Variants in DOCK3 observed in about 807,000 individuals in gnomAD.
The protein encoded by DOCK3 is dedicator of cytokinesis protein 3.
In DOCK3, 60 loss-of-function variants were observed where a neutral mutation model predicts 265.6. The ratio of observed to expected loss-of-function variants is 0.23; its 90% CI spans 0.18 to 0.28. The LOEUF is 0.28. Ranked by LOEUF, DOCK3 falls within the 10% of genes least tolerant of loss-of-function variation. DOCK3 has a pLI of 1.00. For synonymous variants in DOCK3, 881 were observed against 938.0 expected (o/e 0.94, Z 1.11); for missense variants, 1,981 against 2,594.3 (o/e 0.76, Z 5.14).
chr3:51,041,809 A>C (rs1434604874), intron 5 of DOCK3, among the ~76,000 whole-genome samples: 1 of 152,204 alleles, frequency 6.6e-6, no homozygotes, highest in Non-Finnish European at 1.5e-5. Context: ...TAAGAAGAGT[A>C]GAATTAACAT....
At chr3:51,237,706 T>C in intron 21 of DOCK3, 116 bp downstream of exon 21, 7 of 880,272 alleles carry the variant, frequency 8.0e-6, no homozygotes, top group Non-Finnish European at 1.2e-5. Context: ...AAAAATTTTA[T>C]ATTTTTAATT....
chr3:50,979,531 A>G (rs1237877809), intron 5 of DOCK3, among the ~76,000 whole-genome samples: 1 of 152,074 alleles, frequency 6.6e-6, no homozygotes, highest in African/African-American at 2.4e-5. Context: ...CTCTTGCGCC[A>G]TCTCTGGCTG....
chr3:50,977,781 C>G (rs2077516951), intron 5 of DOCK3, among the ~76,000 whole-genome samples: 1 of 152,044 alleles, frequency 6.6e-6, no homozygotes, highest in Admixed American at 6.6e-5. Context: ...TCAGGTACAC[C>G]AATCAGACGT....
At chr3:50,805,125 G>A (rs2043334174) in intron 2 of DOCK3, among the ~76,000 whole-genome samples, 1 of 152,084 alleles carries the variant, frequency 6.6e-6, no homozygotes, top group Non-Finnish European at 1.5e-5. Flanking sequence ...TCCATCTAGT[G>A]GAAAAGTCGC....
intron 4 of DOCK3, among the ~76,000 whole-genome samples, chr3:50,891,535 A>G (rs950207214): frequency 6.6e-6 from 1 of 152,158 alleles, no homozygotes; most frequent in African/African-American, 2.4e-5. Context: ...TATCAAAAGT[A>G]TCAAGCCTGG....
At chr3:51,379,130 C>G (rs748680948) in intron 51 of DOCK3, among the ~76,000 whole-genome samples, 8 of 152,348 alleles carry the variant, frequency 5.3e-5, no homozygotes, top group Non-Finnish European at 1.0e-4. Flanking sequence ...CTCTTCTGTC[C>G]TGTTTTCTCT....
intron 5 of DOCK3, among the ~76,000 whole-genome samples, chr3:51,053,110 T>TATATAG (rs2081066167): frequency 8.0e-6 from 1 of 125,150 alleles, no homozygotes; most frequent in African/African-American, 2.9e-5. Context: ...TATATATATA[T>TATATAG]ATATATATAT....
At chr3:51,160,171 A>C (rs2086060980) in intron 11 of DOCK3, among the ~76,000 whole-genome samples, 1 of 152,246 alleles carries the variant, frequency 6.6e-6, no homozygotes, top group Non-Finnish European at 1.5e-5. Context: ...GTGCATATGC[A>C]GTTTATACCT....
intron 22 of DOCK3, among the ~76,000 whole-genome samples, chr3:51,252,585 G>C (rs958834231): frequency 6.6e-6 from 1 of 152,122 alleles, no homozygotes; most frequent in African/African-American, 2.4e-5. Context: ...CGCATCCCTT[G>C]CTAGTTGGAT....
chr3:51,184,788 AG>A (rs1368095298), intron 12 of DOCK3, among the ~76,000 whole-genome samples: 4 of 152,206 alleles, frequency 2.6e-5, no homozygotes, highest in Admixed American at 6.5e-5. Flanking sequence ...CAATGTGGAA[AG>A]GGGGCTGAGG....
chr3:51,339,433 C>T (rs1192698931), intron 37 of DOCK3, among the ~76,000 whole-genome samples: 1 of 152,146 alleles, frequency 6.6e-6, no homozygotes, highest in African/African-American at 2.4e-5. Context: ...GGAATATCCC[C>T]CTAACCCTGG....
chr3:50,932,288 C>T (rs2051108387), intron 4 of DOCK3, among the ~76,000 whole-genome samples: 1 of 152,168 alleles, frequency 6.6e-6, no homozygotes, highest in Non-Finnish European at 1.5e-5. Context: ...CTCAATTTTA[C>T]TGCACTGAGT....
chr3:51,295,298 G>A (rs1165570253), intron 27 of DOCK3, among the ~76,000 whole-genome samples: 3 of 152,226 alleles, frequency 2.0e-5, no homozygotes, highest in Non-Finnish European at 4.4e-5. Flanking sequence ...GAGATATCAT[G>A]GTGAGAGAGA....
intron 5 of DOCK3, among the ~76,000 whole-genome samples, chr3:50,987,768 C>T (rs895804869): frequency 1.3e-5 from 2 of 152,178 alleles, no homozygotes; most frequent in African/African-American, 4.8e-5. Flanking sequence ...TCCAGAGAAG[C>T]GGTGAGTGAA....
chr3:51,126,353 C>CTTTT (rs2084265056), intron 9 of DOCK3, among the ~76,000 whole-genome samples: 1 of 152,168 alleles, frequency 6.6e-6, no homozygotes, highest in Non-Finnish European at 1.5e-5. Context: ...AGTAACATTG[C>CTTTT]TTTTTTGGCA....
chr3:50,803,703 C>A (rs554396225), intron 2 of DOCK3, among the ~76,000 whole-genome samples: 2 of 150,020 alleles, frequency 1.3e-5, no homozygotes, highest in Non-Finnish European at 3.0e-5. Flanking sequence ...GCGGGGGCTG[C>A]CCCCCACCTC....
intron 9 of DOCK3, among the ~76,000 whole-genome samples, chr3:51,126,536 C>A (rs2084275265): frequency 6.6e-6 from 1 of 152,194 alleles, no homozygotes; most frequent in Non-Finnish European, 1.5e-5. Context: ...CACACACCTT[C>A]CTCAGAAGCA....
chr3:50,965,897 G>A (rs890026438), intron 5 of DOCK3, among the ~76,000 whole-genome samples: 7 of 152,036 alleles, frequency 4.6e-5, no homozygotes, highest in Admixed American at 2.0e-4. Context: ...TATCACATTT[G>A]TCAGCACACA....
intron 12 of DOCK3, among the ~76,000 whole-genome samples, chr3:51,203,425 G>A (rs2088953461): frequency 1.3e-5 from 2 of 152,284 alleles, no homozygotes; most frequent in South Asian, 2.1e-4. Context: ...TTGCTTCAAA[G>A]AGAATAAAAT....
Sources: allele counts gnomAD v4.1 joint callset (sites outside exome capture counted in the v4.1 genomes callset), GRCh38; gene constraint gnomAD v4.1.1; transcripts MANE v1.5; gene names NCBI Gene and HGNC (gene_info 2026-07-23, HGNC 2026-07-21).